The following HEMK2 variants were observed in gnomAD, a reference collection of about 807,000 sequenced individuals.
HEMK2 encodes methyltransferase HEMK2.
chr21:28,789,528 T>C, the HEMK2 span, among the ~76,000 whole-genome samples: 1 of 152,240 alleles, frequency 6.6e-6, no homozygotes, highest in Admixed American at 6.5e-5. Flanking sequence ...TCTAATCTTC[T>C]ACAAGTGCAT....
chr21:28,828,886 T>C, the HEMK2 span, among the ~76,000 whole-genome samples: 9 of 152,326 alleles, frequency 5.9e-5, 2 homozygotes, highest in African/African-American at 2.2e-4. Context: ...AAATGCAATA[T>C]TTAATAAAAC....
At chr21:28,767,352 C>T in the HEMK2 span, among the ~76,000 whole-genome samples, 1 of 151,072 alleles carries the variant, frequency 6.6e-6, no homozygotes, top group Non-Finnish European at 1.5e-5. Context: ...ACCTGCACCG[C>T]ACCCCAAAAA....
At chr21:28,876,218 C>G in the HEMK2 span, 234 of 437,728 alleles carry the variant, frequency 5.3e-4, no homozygotes, top group Middle Eastern at 2.3e-3. Context: ...TTTACTTGTA[C>G]TTGTGCAAAT....
the HEMK2 span, among the ~76,000 whole-genome samples, chr21:28,738,883 CAGTT>C: frequency 6.6e-6 from 1 of 152,230 alleles, no homozygotes; most frequent in Non-Finnish European, 1.5e-5. Context: ...CAAAACAAGA[CAGTT>C]GGTGTCCGTG....
At chr21:28,671,923 CTATCA>C in the HEMK2 span, among the ~76,000 whole-genome samples, 1 of 152,156 alleles carries the variant, frequency 6.6e-6, no homozygotes, top group South Asian at 2.1e-4. Flanking sequence ...ATGGTCTCCC[CTATCA>C]TTTCGCTGGA....
the HEMK2 span, among the ~76,000 whole-genome samples, chr21:28,589,839 T>A: frequency 3.3e-5 from 5 of 152,186 alleles, no homozygotes; most frequent in East Asian, 7.7e-4. Flanking sequence ...GAGAACATGA[T>A]GTCACAAGTG....
chr21:28,793,608 G>T, the HEMK2 span, among the ~76,000 whole-genome samples: 1 of 152,272 alleles, frequency 6.6e-6, no homozygotes, highest in African/African-American at 2.4e-5. Flanking sequence ...TGAGGTGAGT[G>T]GTGGTCCCTG....
At chr21:28,858,960 T>G in the HEMK2 span, among the ~76,000 whole-genome samples, 1 of 152,218 alleles carries the variant, frequency 6.6e-6, no homozygotes. Context: ...ATTATCTTAT[T>G]TGAGAAGACT....
the HEMK2 span, among the ~76,000 whole-genome samples, chr21:28,645,613 C>T: frequency 1.3e-5 from 2 of 152,180 alleles, no homozygotes; most frequent in South Asian, 4.1e-4. Flanking sequence ...TGAATGCTTG[C>T]ATCTCCCCAA....
the HEMK2 span, among the ~76,000 whole-genome samples, chr21:28,669,582 G>A: frequency 6.6e-6 from 1 of 152,130 alleles, no homozygotes; most frequent in Non-Finnish European, 1.5e-5. Context: ...CTCTTGATCT[G>A]TACCTTGAGA....
At chr21:28,607,968 TTAACAA>T in the HEMK2 span, among the ~76,000 whole-genome samples, 1 of 152,190 alleles carries the variant, frequency 6.6e-6, no homozygotes, top group African/African-American at 2.4e-5. Context: ...CACAAATGAC[TTAACAA>T]TTTTGAACAA....
the HEMK2 span, among the ~76,000 whole-genome samples, chr21:28,643,323 T>G: frequency 1.3e-5 from 2 of 152,098 alleles, no homozygotes; most frequent in Non-Finnish European, 2.9e-5. Flanking sequence ...TAAATGGGAT[T>G]AGTACCCTTA....
the HEMK2 span, among the ~76,000 whole-genome samples, chr21:28,839,273 T>C: frequency 6.6e-6 from 1 of 151,882 alleles, no homozygotes; most frequent in Admixed American, 6.6e-5. Context: ...TAATACTGAA[T>C]GGTAAAAGTT....
chr21:28,614,808 C>A, the HEMK2 span, among the ~76,000 whole-genome samples: 2 of 152,152 alleles, frequency 1.3e-5, no homozygotes, highest in Non-Finnish European at 1.5e-5. Context: ...AGAGAATTCG[C>A]TAACACAGCA....
the HEMK2 span, among the ~76,000 whole-genome samples, chr21:28,686,467 T>A: frequency 6.6e-6 from 1 of 152,112 alleles, no homozygotes; most frequent in African/African-American, 2.4e-5. Flanking sequence ...ACTCCTGACC[T>A]CGTGATCCTC....
chr21:28,580,418 C>T, the HEMK2 span, among the ~76,000 whole-genome samples: 1 of 152,074 alleles, frequency 6.6e-6, no homozygotes, highest in East Asian at 1.9e-4. Flanking sequence ...CAGAGCTCTC[C>T]AACAAGTGGC....
At chr21:28,776,905 G>A in the HEMK2 span, among the ~76,000 whole-genome samples, 1 of 152,126 alleles carries the variant, frequency 6.6e-6, no homozygotes. Context: ...CCAGATTGAG[G>A]GTGGGCCTGC....
the HEMK2 span, chr21:28,875,561 C>T: frequency 6.4e-6 from 1 of 157,432 alleles, no homozygotes; most frequent in African/African-American, 2.4e-5. Context: ...CAGCCTGGAC[C>T]TGTTGCAGAC....
the HEMK2 span, among the ~76,000 whole-genome samples, chr21:28,758,390 T>C: frequency 6.6e-6 from 1 of 152,052 alleles, no homozygotes; most frequent in Non-Finnish European, 1.5e-5. Context: ...GCAAATATGA[T>C]CATAGCAAAG....
Sources: gnomAD v4.1 joint callset for allele counts (sites outside exome capture counted in the v4.1 genomes callset) on GRCh38, gnomAD v4.1.1 for gene constraint, MANE v1.5 for transcripts, NCBI Gene and HGNC (gene_info 2026-07-23, HGNC 2026-07-21) for gene names.